Variants in NR1H2 observed in about 807,000 individuals in gnomAD.
The protein encoded by NR1H2 is nuclear receptor subfamily 1 group H member 2, also known as oxysterols receptor LXR-beta.
NR1H2 carries 33 observed loss-of-function variants against 51.2 expected under a neutral mutation model. The observed-to-expected ratio is 0.64, with a 90% CI of 0.49 to 0.86. The LOEUF (loss-of-function observed/expected upper bound fraction) is 0.86, where lower values mean the gene tolerates loss of function less well. NR1H2 is among the 40% of genes least tolerant of loss of function. NR1H2 has a pLI of 0.00. For synonymous variants in NR1H2, 310 were observed against 264.3 expected (o/e 1.17, Z -1.68); for missense variants, 592 against 639.9 (o/e 0.93, Z 0.81).
Position 50,378,560 on chromosome 19 carries a change from C to A in NR1H2, c.511C>A (p.Arg171=), listed in dbSNP as rs781562526. 12 of 1,447,848 alleles carry A rather than the reference C, an allele frequency of 8.3e-6. No homozygotes were observed. The South Asian group carries it at 1.5e-4, about 18-fold the overall frequency. The allele number at this position is 1,447,848 out of a possible 1,614,324, so 89.7% of individuals were successfully genotyped here. ...SEEQIRKKKI[R]KQQQESQSQS... Reference sequence around the variant, plus strand: ...AGAACAGATCCGGAAGAAGAAGATTCGGAAACAGCAGCAGGAGTCACAGTC... The same window carrying A: ...AGAACAGATCCGGAAGAAGAAGATTAGGAAACAGCAGCAGGAGTCACAGTC... The change falls in exon 6 of 10, where the codon CGG becomes AGG. Residue 171 remains arginine (R), a synonymous_variant. Coordinates refer to ENST00000253727, the MANE Select transcript of NR1H2 (RefSeq NM_007121.7).
intron 8 of NR1H2, among the ~76,000 whole-genome samples, chr19:50,381,236 G>A (rs2037760346): frequency 6.6e-6 from 1 of 152,212 alleles, no homozygotes; most frequent in African/African-American, 2.4e-5. Context: ...CTCATGGCCT[G>A]GGTAGCCCCC....
chr19:50,380,100 T>C (rs917465250), intron 8 of NR1H2, among the ~76,000 whole-genome samples: 2 of 152,146 alleles, frequency 1.3e-5, no homozygotes, highest in Non-Finnish European at 2.9e-5. Flanking sequence ...CTTGAGGCTA[T>C]AGTGAGCCGT....
chr19:50,377,780 A>G lies in NR1H2; in HGVS notation c.91A>G (p.Lys31Glu). 6.2e-7 allele frequency: 1 copy of G among 1,610,916 alleles called. No homozygotes were observed. The highest frequency in any genetic ancestry group is 1.7e-5 in the Admixed American group (1 of 59,314). ...CGCCCCTTCTTCTTCACCCACTGTA[A>G]AGGAGGAGGGTCCGGAGCCGTGGCC... ...PGAPSSSPTV[K>E]EEGPEPWPGG... The change falls in exon 4 of 10, where the codon AAG becomes GAG. Residue 31 changes from lysine to glutamate, a missense_variant. Transcript: ENST00000253727.
intron 2 of NR1H2, 180 bp from the exon 3 acceptor site, chr19:50,377,407 G>A: frequency 1.9e-6 from 1 of 532,422 alleles, no homozygotes; most frequent in Non-Finnish European, 3.3e-6. Context: ...TGGAACAGAA[G>A]GGGGCAGGTC....
At chr19:50,382,301 C>T in intron 9 of NR1H2, 127 bp downstream of exon 9, 3 of 1,340,164 alleles carry the variant, frequency 2.2e-6, no homozygotes, top group East Asian at 2.5e-5. Context: ...CCCCACCCTG[C>T]TCGACTGGGA....
Position 50,381,962 on chromosome 19 carries a change from G to T in NR1H2, c.1028-4G>T, listed in dbSNP as rs756858181. 3 of 1,551,068 alleles carry T rather than the reference G, an allele frequency of 1.9e-6. No homozygotes were observed. The highest frequency in any genetic ancestry group is 2.6e-6 in the Non-Finnish European group (3 of 1,146,598). ...GGAGTCACGGGCTGCCTCCCGCCCCGCAGGCCTGCAGGTGGAGTTCATCAA... is the reference window on the plus strand; with the variant it reads ...GGAGTCACGGGCTGCCTCCCGCCCCTCAGGCCTGCAGGTGGAGTTCATCAA... On this transcript the variant is annotated splice_polypyrimidine_tract_variant and splice_region_variant and intron_variant, in intron 8 of 9. Coordinates refer to ENST00000253727, the MANE Select transcript of NR1H2 (RefSeq NM_007121.7).
intron 7 of NR1H2, 29 bp downstream of exon 7, chr19:50,379,210 C>T (rs1048000218): frequency 1.3e-6 from 2 of 1,591,768 alleles, no homozygotes; most frequent in Middle Eastern, 1.7e-4. Context: ...ACAAGGAACC[C>T]CAGAGATAGC....
chr19:50,378,753 T>G lies in NR1H2; in HGVS notation c.704T>G (p.Leu235Arg), dbSNP rs776714768. Residue 235 changes from leucine to arginine, a missense_variant, in exon 6 of 10, where the codon CTG becomes CGG. Transcript: ENST00000253727. ...LMIQQLVAAQ[L>R]QCNKRSFSDQ... The stretch of plus-strand genomic sequence containing the variant: ...ATCCAGCAGTTGGTGGCGGCCCAAC[T>G]GCAGTGCAACAAACGCTCCTTCTCC... 2.5e-5 allele frequency: 40 copies of G among 1,613,720 alleles called. No individual in the cohort carries two copies. Among genetic ancestry groups the G allele is most frequent in the Admixed American group, 3.3e-5 (2 of 60,000 alleles).
At chr19:50,377,456 A>G (rs2037685007) in intron 2 of NR1H2, 131 bp from the exon 3 acceptor site, 3 of 655,086 alleles carry the variant, frequency 4.6e-6, no homozygotes, top group Non-Finnish European at 7.7e-6. Flanking sequence ...GCTGGCAGGA[A>G]CCAGGGTTGT....
In NR1H2 at chr19:50,379,897, C is replaced by G. The variant is rs1282733204; in HGVS notation, c.1027+18C>G. The G allele has an allele frequency of 6.4e-7, 1 of 1,567,808 alleles. No homozygotes were observed. Among genetic ancestry groups the G allele is most frequent in the Non-Finnish European group, 8.8e-7 (1 of 1,138,058 alleles). On this transcript the variant is annotated intron_variant, in intron 8 of 9. Coordinates refer to ENST00000253727, the MANE Select transcript of NR1H2 (RefSeq NM_007121.7). ...CCGTGCAGGTAGGGCCCAGGGGAGGCTTCGGGGAGGCTTGGCGCCCCTGCT... is the reference window on the plus strand; with the variant it reads ...CCGTGCAGGTAGGGCCCAGGGGAGGGTTCGGGGAGGCTTGGCGCCCCTGCT...
chr19:50,382,223 C>G, intron 9 of NR1H2, 49 bp downstream of exon 9: 2 of 1,467,120 alleles, frequency 1.4e-6, no homozygotes, highest in Non-Finnish European at 1.8e-6. Context: ...TCCCGCGGCC[C>G]ACGTGGTCCG....
intron 8 of NR1H2, 75 bp from the exon 9 acceptor site, chr19:50,381,891 T>C (rs989818412): frequency 8.0e-7 from 1 of 1,252,384 alleles, no homozygotes; most frequent in African/African-American, 1.5e-5. Flanking sequence ...CCAGAGACTG[T>C]GGGCAGCGCC....
Position 50,382,183 on chromosome 19 carries a change from C to T in NR1H2, c.1236+9C>T, listed in dbSNP as rs573771244. ...GCATCAAGAGGCCGCAGGTAGGGCC[C>T]CGCAGAGCCTCTGCGCAGAGCCAAC... On this transcript the variant is annotated intron_variant, in intron 9 of 9. Transcript: ENST00000253727. 3.1e-4 allele frequency: 473 copies of T among 1,521,462 alleles called. No individual in the cohort carries two copies. The highest frequency in any genetic ancestry group is 1.7e-3 in the Middle Eastern group (8 of 4,686). The allele number at this position is 1,521,462 out of a possible 1,614,324, so 94.2% of individuals were successfully genotyped here.
chr19:50,379,403 C>T (rs2037728506), intron 7 of NR1H2, among the ~76,000 whole-genome samples: 3 of 152,180 alleles, frequency 2.0e-5, no homozygotes, highest in South Asian at 2.1e-4. Flanking sequence ...AAAGGCTTTT[C>T]AGAGGAGTTA....
rs1247344942 is a variant in NR1H2, at chr19:50,378,141, C to T, written c.182-8C>T. Reference sequence around the variant, plus strand: ...GGCTTTCTCATGGCCTCTACCTACCCACCCCAGTCATCCCAGATCCCGAAG... The same window carrying T: ...GGCTTTCTCATGGCCTCTACCTACCTACCCCAGTCATCCCAGATCCCGAAG... On this transcript the variant is annotated splice_polypyrimidine_tract_variant and splice_region_variant and intron_variant, in intron 4 of 9. Coordinates refer to ENST00000253727, the MANE Select transcript of NR1H2 (RefSeq NM_007121.7). The T allele has an allele frequency of 5.0e-6, 8 of 1,604,092 alleles. No individual in the cohort carries two copies. Among genetic ancestry groups the T allele is most frequent in the Non-Finnish European group, 6.8e-6 (8 of 1,173,764 alleles).
At chr19:50,377,994 T>C (rs2037697022) in intron 4 of NR1H2, 124 bp downstream of exon 4, 9 of 1,424,998 alleles carry the variant, frequency 6.3e-6, no homozygotes, top group South Asian at 5.5e-5. Flanking sequence ...CCTTAACATA[T>C]ACATCTTTCT....
chr19:50,381,834 T>G lies in NR1H2; in HGVS notation c.1028-132T>G, dbSNP rs1250538409. On this transcript the variant is annotated intron_variant, in intron 8 of 9. Transcript: ENST00000253727. ...AGCACTCATGGGCACGGGGCACAGGTGGACAGAAATGACAAGAACGCTGTA... is the reference window on the plus strand; with the variant it reads ...AGCACTCATGGGCACGGGGCACAGGGGGACAGAAATGACAAGAACGCTGTA... 3.1e-5 allele frequency: 24 copies of G among 765,814 alleles called. No homozygotes were observed. The East Asian group carries it at 3.8e-4, about 12-fold the overall frequency. The allele number at this position is 765,814 out of a possible 1,614,324, so 47.4% of individuals were successfully genotyped here. A position where few individuals can be genotyped will look rare whatever the true frequency, so the allele number is the denominator to read the frequency against.
intron 8 of NR1H2, 127 bp downstream of exon 8, chr19:50,380,006 T>G: frequency 1.4e-6 from 1 of 699,142 alleles, no homozygotes; most frequent in Non-Finnish European, 2.6e-6. Context: ...TGAGCCAAGG[T>G]GAGAGTGAGG....
rs1463284437 is a variant in NR1H2, at chr19:50,382,482, C to T, written c.1263C>T (p.Leu421=). The T allele has an allele frequency of 1.9e-6, 3 of 1,609,210 alleles. No homozygotes were observed. Among genetic ancestry groups the T allele is most frequent in the African/African-American group, 1.3e-5 (1 of 74,886 alleles). ...ACCAGCTGCGCTTCCCGCGCATGCT[C>T]ATGAAGCTGGTGAGCCTGCGCACGC... is the stretch of plus-strand genomic sequence containing the variant. ...PQDQLRFPRM[L]MKLVSLRTLS... The change falls in exon 10 of 10, where the codon CTC becomes CTT. Residue 421 remains leucine, a synonymous_variant. Coordinates refer to ENST00000253727, the MANE Select transcript of NR1H2 (RefSeq NM_007121.7).
Sources: allele counts gnomAD v4.1 joint callset (sites outside exome capture counted in the v4.1 genomes callset), GRCh38; gene constraint gnomAD v4.1.1; transcripts MANE v1.5; gene names NCBI Gene and HGNC (gene_info 2026-07-23, HGNC 2026-07-21).